Variants in NDUFA5 observed in about 807,000 individuals in gnomAD.
The protein encoded by NDUFA5 is NADH dehydrogenase [ubiquinone] 1 alpha subcomplex subunit 5.
NDUFA5 carries 11 observed loss-of-function variants against 19.8 expected under a neutral mutation model. The observed-to-expected ratio is 0.56, with a 90% confidence interval of 0.35 to 0.92. The LOEUF (loss-of-function observed/expected upper bound fraction) is 0.92. Ranked by LOEUF, NDUFA5 falls within the 40% of genes least tolerant of loss-of-function variation. The pLI is 0.01. For missense variants in NDUFA5, 109 were observed against 134.2 expected (o/e 0.81, Z 0.93); for synonymous variants, 47 against 46.8 (o/e 1.00, Z -0.01).
chr7:123,537,890 C>T lies in NDUFA5; in HGVS notation c.*4229G>A, dbSNP rs1240550164. ...ATTCACCTAAAAAAAAATTGAAGAT[C>T]ATGAGAAATACCAAAATAGAAATCT... On this transcript the variant is annotated 3_prime_UTR_variant, in exon 5 of 5. Transcript: ENST00000355749. 1 of 151,740 alleles carries T rather than the reference C, an allele frequency of 6.6e-6. No homozygotes were observed. The highest frequency in any genetic ancestry group is 2.4e-5 in the African/African-American group (1 of 41,318). The allele number at this position is 151,740 out of a possible 1,614,324, so 9.4% of individuals were successfully genotyped here.
rs766305834 is a variant in NDUFA5, at chr7:123,540,890, G to GCGCGCGCACACACACACACACA, written c.*1228_*1229insTGTGTGTGTGTGTGTGCGCGCG. ...TCTGAGCAAATGTGCGCATGCGCGTGCACACACACACACACACACACACAC... is the reference window on the plus strand; with the variant it reads ...TCTGAGCAAATGTGCGCATGCGCGTGCGCGCGCACACACACACACACACACACACACACACACACACACACAC... On this transcript the variant is annotated 3_prime_UTR_variant, in exon 5 of 5. Transcript: ENST00000355749. 80 of 133,906 alleles carry GCGCGCGCACACACACACACACA rather than the reference G, an allele frequency of 6.0e-4. No individual in the cohort carries two copies. Among genetic ancestry groups the GCGCGCGCACACACACACACACA allele is most frequent in the East Asian group, 2.0e-3 (9 of 4,526 alleles). The allele number at this position is 133,906 out of a possible 1,614,324, so 8.3% of individuals were successfully genotyped here.
chr7:123,592,276 T>C, the NDUFA5 span, among the ~76,000 whole-genome samples: 2 of 151,496 alleles, frequency 1.3e-5, no homozygotes, highest in Non-Finnish European at 3.0e-5. Flanking sequence ...TTTTTGTGTC[T>C]CTGTCTCATT....
At chr7:123,556,733 C>A (rs759753797) in intron 2 of NDUFA5, 1 of 405,392 alleles carries the variant, frequency 2.5e-6, no homozygotes, top group East Asian at 6.3e-5. Flanking sequence ...TCAAATGTGT[C>A]AAAAAACGCT....
the NDUFA5 span, among the ~76,000 whole-genome samples, chr7:123,590,171 G>GTT: frequency 4.6e-5 from 7 of 151,482 alleles, no homozygotes; most frequent in African/African-American, 1.5e-4. Flanking sequence ...GGGGTTGTTT[G>GTT]TTTTTTTTCC....
chr7:123,597,952 G>T, the NDUFA5 span, among the ~76,000 whole-genome samples: 2 of 151,686 alleles, frequency 1.3e-5, no homozygotes, highest in Non-Finnish European at 2.9e-5. Flanking sequence ...GTGTGTGTGT[G>T]TGTGTGTGTC....
chr7:123,554,100 C>G (rs1245405734), intron 2 of NDUFA5, among the ~76,000 whole-genome samples: 1 of 152,158 alleles, frequency 6.6e-6, no homozygotes, highest in Non-Finnish European at 1.5e-5. Context: ...AATATGGCTA[C>G]TGAGCATTTG....
intron 2 of NDUFA5, among the ~76,000 whole-genome samples, chr7:123,552,880 A>C (rs1432239707): frequency 1.3e-5 from 2 of 152,122 alleles, no homozygotes; most frequent in Non-Finnish European, 2.9e-5. Flanking sequence ...CAGCACAAGC[A>C]CCATCCTTTA....
chr7:123,548,041 G>A (rs1798200156), intron 3 of NDUFA5, among the ~76,000 whole-genome samples: 1 of 151,902 alleles, frequency 6.6e-6, no homozygotes, highest in Non-Finnish European at 1.5e-5. Context: ...TGAAAATCTT[G>A]GACAGGGACA....
chr7:123,589,095 G>A, the NDUFA5 span, among the ~76,000 whole-genome samples: 2 of 151,536 alleles, frequency 1.3e-5, no homozygotes, highest in Non-Finnish European at 3.0e-5. Flanking sequence ...ATATTTCCTT[G>A]CTGGTTTTCC....
chr7:123,537,921 A>G lies in NDUFA5; in HGVS notation c.*4198T>C, dbSNP rs1273521362. 1 of 152,234 alleles carries G rather than the reference A, an allele frequency of 6.6e-6. No homozygotes were observed. Among genetic ancestry groups the G allele is most frequent in the Admixed American group, 6.5e-5 (1 of 15,284 alleles). 9.4% of individuals were successfully genotyped at this position (152,234 alleles called of 1,614,324 possible). ...AAATACCAAAATAGAAATCTTTGCA[A>G]TGCTTTTCATTTAATTATATACAGA... is the stretch of plus-strand genomic sequence containing the variant. On this transcript the variant is annotated 3_prime_UTR_variant, in exon 5 of 5. Coordinates refer to ENST00000355749, the MANE Select transcript of NDUFA5 (RefSeq NM_005000.5).
chr7:123,545,590 A>T (rs751492074), intron 4 of NDUFA5, 21 bp downstream of exon 4: 1 of 1,601,292 alleles, frequency 6.2e-7, no homozygotes, highest in South Asian at 1.1e-5. Context: ...CAAACACCTA[A>T]ATAGTCAACT....
chr7:123,561,781 A>G (rs1798691556), upstream of NDUFA5, among the ~76,000 whole-genome samples: 1 of 151,922 alleles, frequency 6.6e-6, no homozygotes, highest in Non-Finnish European at 1.5e-5. Context: ...TATTCTTAGT[A>G]GAGACGGGGT....
the NDUFA5 span, among the ~76,000 whole-genome samples, chr7:123,563,616 G>A: frequency 6.6e-6 from 1 of 152,088 alleles, no homozygotes. Flanking sequence ...ACATGCTGTT[G>A]GAAAAAATGG....
chr7:123,572,902 T>C, the NDUFA5 span, among the ~76,000 whole-genome samples: 1 of 152,108 alleles, frequency 6.6e-6, no homozygotes, highest in African/African-American at 2.4e-5. Flanking sequence ...ATTGTTGACA[T>C]TTTTCTTTTT....
upstream of NDUFA5, chr7:123,557,926 A>C (rs1798627574): frequency 1.3e-6 from 2 of 1,500,626 alleles, no homozygotes; most frequent in South Asian, 2.3e-5. Flanking sequence ...TCGCCAAAGG[A>C]GCAAAGACTC....
At chr7:123,584,150 G>A in the NDUFA5 span, among the ~76,000 whole-genome samples, 1 of 151,562 alleles carries the variant, frequency 6.6e-6, no homozygotes, top group Admixed American at 6.6e-5. Flanking sequence ...ATATTAACCT[G>A]CCTACTTAAC....
At chr7:123,557,941 C>G (rs1342448050), upstream of NDUFA5, 1 of 1,395,590 alleles carries the variant, frequency 7.2e-7, no homozygotes, top group African/African-American at 1.4e-5. Flanking sequence ...AGACTCTGCC[C>G]CGCCCATCTT....
chr7:123,592,008 T>C, the NDUFA5 span, among the ~76,000 whole-genome samples: 1 of 152,194 alleles, frequency 6.6e-6, no homozygotes, highest in African/African-American at 2.4e-5. Flanking sequence ...AGATTCAACT[T>C]TTTCCTGGTT....
the NDUFA5 span, among the ~76,000 whole-genome samples, chr7:123,591,097 GTT>G: frequency 6.6e-6 from 1 of 151,842 alleles, no homozygotes; most frequent in Non-Finnish European, 1.5e-5. Flanking sequence ...TTGGCTCTCT[GTT>G]TGTCTGTTCT....
Sources: allele counts gnomAD v4.1 joint callset (sites outside exome capture counted in the v4.1 genomes callset), GRCh38; gene constraint gnomAD v4.1.1; transcripts MANE v1.5; gene names NCBI Gene and HGNC (gene_info 2026-07-23, HGNC 2026-07-21).